The following SPHKAP variants were observed in gnomAD, a reference collection of about 807,000 sequenced individuals.
SPHKAP encodes the protein SPHK1 interactor, AKAP domain containing, also known as A-kinase anchor protein SPHKAP.
A neutral mutation model predicts 137.5 loss-of-function variants in SPHKAP; 67 were observed. That is an observed-to-expected ratio of 0.49 (90% confidence interval 0.40 to 0.60). The LOEUF is 0.60. Ranked by LOEUF, SPHKAP falls within the 20% of genes least tolerant of loss-of-function variation. The pLI is 0.00. For missense variants in SPHKAP, 2,097 were observed against 2,069.3 expected (o/e 1.01, Z -0.26); for synonymous variants, 813 against 785.3 (o/e 1.04, Z -0.59).
At chr2:228,176,867 C>T (rs141394594) in intron 1 of SPHKAP, among the ~76,000 whole-genome samples, 152 of 152,272 alleles carry the variant, frequency 1.0e-3, no homozygotes, top group African/African-American at 3.5e-3. Context: ...AAGAGCGAAA[C>T]TCCGTCTCAA....
intron 3 of SPHKAP, among the ~76,000 whole-genome samples, chr2:228,085,169 T>C (rs191608208): frequency 1.3e-5 from 2 of 152,322 alleles, no homozygotes; most frequent in Admixed American, 1.3e-4. Flanking sequence ...GAATAAGCAT[T>C]TGGAAAGGGT....
At chr2:228,158,781 C>T (rs557973431) in intron 1 of SPHKAP, among the ~76,000 whole-genome samples, 1 of 152,294 alleles carries the variant, frequency 6.6e-6, no homozygotes, top group Admixed American at 6.5e-5. Context: ...CAACTTATTT[C>T]AGTCTGCTCT....
chr2:228,018,448 T>C lies in SPHKAP; in HGVS notation c.2406A>G (p.Pro802=), dbSNP rs1304458810. ...YSKQDKGGVR[P]GLFKNPTLQS... is the part of the protein sequence containing the mutation. ...GCAGCGTGGGGTTCTTGAAGAGGCCTGGCCTCACTCCACCCTTGTCTTGTT... is the reference window on the plus strand; with the variant it reads ...GCAGCGTGGGGTTCTTGAAGAGGCCCGGCCTCACTCCACCCTTGTCTTGTT... Residue 802 remains proline, a synonymous_variant, in exon 7 of 12, where the codon CCA becomes CCG. Coordinates refer to ENST00000392056, the MANE Select transcript of SPHKAP (RefSeq NM_001142644.2). 1.2e-6 allele frequency: 2 copies of C among 1,614,134 alleles called. No homozygotes were observed. Among genetic ancestry groups the C allele is most frequent in the East Asian group, 2.2e-5 (1 of 44,882 alleles).
At chr2:228,095,715 A>G (rs1227606412) in intron 3 of SPHKAP, among the ~76,000 whole-genome samples, 1 of 152,124 alleles carries the variant, frequency 6.6e-6, no homozygotes, top group African/African-American at 2.4e-5. Flanking sequence ...GTCAAGAAAA[A>G]TATTATTTAT....
In SPHKAP at chr2:228,021,722, T is replaced by C; in HGVS notation, c.686A>G (p.Glu229Gly). 9.3e-6 allele frequency: 15 copies of C among 1,612,682 alleles called. No individual in the cohort carries two copies. Among genetic ancestry groups the C allele is most frequent in the Non-Finnish European group, 1.3e-5 (15 of 1,179,458 alleles). Residue 229 changes from glutamate (E) to glycine (G), a missense_variant, in exon 6 of 12, where the codon GAA (glutamate) becomes GGA (glycine). Glu to Gly is a moderately conservative substitution (Grantham distance 98). Coordinates refer to ENST00000392056, the MANE Select transcript of SPHKAP (RefSeq NM_001142644.2). ...TGGAAAGTTCTCACCGTTCCTAGAT[T>C]CATCCACCTCGCTTTCCTCCTCCAA... is the stretch of plus-strand genomic sequence containing the variant. ...EHLEEESEVD[E>G]SRNDYENINV...
intron 1 of SPHKAP, among the ~76,000 whole-genome samples, chr2:228,143,193 A>G (rs985295022): frequency 6.6e-6 from 1 of 152,318 alleles, no homozygotes; most frequent in Admixed American, 6.5e-5. Context: ...AACTGAACAC[A>G]GTTGGGTGCA....
Position 228,021,862 on chromosome 2 carries a change from C to G in SPHKAP, c.546G>C (p.Leu182=). Residue 182 remains leucine, a synonymous_variant, in exon 6 of 12, where the codon CTG becomes CTC. Coordinates refer to ENST00000392056, the MANE Select transcript of SPHKAP (RefSeq NM_001142644.2). The part of the protein sequence containing the change: ...IFEINKFLIG[L]ELVQERQLHL... ...GGAGCTGTCGCTCCTGCACCAGTTCCAGACCAATCAGAAATTTGTTGATTT... is the reference window on the plus strand; with the variant it reads ...GGAGCTGTCGCTCCTGCACCAGTTCGAGACCAATCAGAAATTTGTTGATTT... The G allele has an allele frequency of 6.2e-7, 1 of 1,614,114 alleles. No individual in the cohort carries two copies.
intron 1 of SPHKAP, among the ~76,000 whole-genome samples, chr2:228,141,641 C>CT (rs35653608): frequency 7.4e-5 from 11 of 149,132 alleles, no homozygotes; most frequent in Non-Finnish European, 1.4e-4. Context: ...ATAACAAAGG[C>CT]TTTTTTTAAA....
intron 1 of SPHKAP, among the ~76,000 whole-genome samples, chr2:228,178,571 G>A (rs544102261): frequency 2.0e-5 from 3 of 151,730 alleles, no homozygotes; most frequent in South Asian, 2.1e-4. Flanking sequence ...CTAATTTTGC[G>A]ACTTAGCAAA....
chr2:228,153,434 T>C (rs1699998548), intron 1 of SPHKAP, among the ~76,000 whole-genome samples: 1 of 152,204 alleles, frequency 6.6e-6, no homozygotes, highest in Non-Finnish European at 1.5e-5. Context: ...TTCTCAGTTT[T>C]TGTCTGTATA....
chr2:227,983,565 C>T (rs1693088729), intron 11 of SPHKAP, among the ~76,000 whole-genome samples: 1 of 152,084 alleles, frequency 6.6e-6, no homozygotes, highest in Admixed American at 6.5e-5. Context: ...TGCATATTTG[C>T]TGAATGACAG....
Position 228,012,185 on chromosome 2 carries a change from A to AAAAG in SPHKAP, c.4448+4217_4448+4220dup, listed in dbSNP as rs1440093998. 2.5e-3 allele frequency among the ~76,000 whole-genome samples: 194 copies of AAAAG among 77,114 alleles called. 3 individuals are homozygous for AAAAG. Among genetic ancestry groups the AAAAG allele is most frequent in the Middle Eastern group, 0.024 (4 of 166 alleles). The allele number at this position is 77,114 out of a possible 152,430, so 50.6% of individuals were successfully genotyped here. A position where few individuals can be genotyped will look rare whatever the true frequency, so the allele number is the denominator to read the frequency against. The stretch of plus-strand genomic sequence containing the variant: ...CCTCAAAAAAAAAAAAAAAAAAAAA[A>AAAAG]AAAGAAAGAAAGAAAGAAATATACA... On this transcript the variant is annotated intron_variant, in intron 7 of 11. Transcript: ENST00000392056.
intron 2 of SPHKAP, among the ~76,000 whole-genome samples, chr2:228,118,491 G>A (rs965354071): frequency 2.0e-5 from 3 of 152,014 alleles, no homozygotes; most frequent in Non-Finnish European, 4.4e-5. Flanking sequence ...AGCGAGGTAT[G>A]AGAGTCCAAC....
chr2:227,995,566 T>A lies in SPHKAP; in HGVS notation c.4577A>T (p.Glu1526Val), dbSNP rs200610993. Residue 1526 changes from glutamate to valine, a missense_variant, in exon 8 of 12, where the codon GAG (glutamate) becomes GTG (valine). Glu to Val is a moderately radical substitution (Grantham distance 121). Transcript: ENST00000392056. ...ACTTGTGTCATCTGGGTTGTCTTCC[T>A]CATTGGCAAGCTGGGTCCAGCTGCC... ...STGSWTQLAN[E>V]EDNPDDTSSF... 36 of 1,614,018 alleles carry A rather than the reference T, an allele frequency of 2.2e-5. No homozygotes were observed. Among genetic ancestry groups the A allele is most frequent in the Non-Finnish European group, 3.1e-5 (36 of 1,180,018 alleles).
intron 3 of SPHKAP, among the ~76,000 whole-genome samples, chr2:228,103,754 C>T (rs972276416): frequency 2.0e-4 from 31 of 152,264 alleles, no homozygotes; most frequent in African/African-American, 7.0e-4. Flanking sequence ...TTTAGCTCCT[C>T]CTTAAAAACT....
At chr2:228,105,741 C>T (rs866819439) in intron 3 of SPHKAP, among the ~76,000 whole-genome samples, 63 of 152,150 alleles carry the variant, frequency 4.1e-4, no homozygotes, top group African/African-American at 1.5e-3. Flanking sequence ...AAGGGATTTC[C>T]CCTTTTGCTT....
rs573058316 is a variant in SPHKAP, at chr2:228,036,128, A to T, written c.247-8585T>A. Among the ~76,000 whole-genome samples the T allele has an allele frequency of 6.7e-4, 100 of 149,832 alleles. 1 individual carries two copies. Among genetic ancestry groups the T allele is most frequent in the Middle Eastern group, 6.8e-3 (2 of 294 alleles). On this transcript the variant is annotated intron_variant, in intron 3 of 11. Coordinates refer to ENST00000392056, the MANE Select transcript of SPHKAP (RefSeq NM_001142644.2). The stretch of plus-strand genomic sequence containing the variant: ...GAATGGGAGAAAATTTTTGCAATCT[A>T]CTCATCTGACAAAGGGCTAATATCC...
In SPHKAP at chr2:227,981,817, A is replaced by G; in HGVS notation, c.5003T>C (p.Val1668Ala). 6.2e-7 allele frequency: 1 copy of G among 1,613,632 alleles called. No individual in the cohort carries two copies. The highest frequency in any genetic ancestry group is 2.2e-5 in the East Asian group (1 of 44,808). Residue 1668 changes from valine (V) to alanine (A), a missense_variant, in exon 12 of 12, where the codon GTG becomes GCG. Transcript: ENST00000392056. The part of the protein sequence containing the change: ...VQLVHRKSWK[V>A]GDIFHAVVQY... ...GACAACTGCATGGAAGATATCACCC[A>G]CTTTCCAGGACTTCCGATGAACCAG...
chr2:228,107,072 A>AT lies in SPHKAP; in HGVS notation c.246+1759dup, dbSNP rs551709438. Among the ~76,000 whole-genome samples, 47 of 72,474 alleles carry AT rather than the reference A, an allele frequency of 6.5e-4. No homozygotes were observed. In the South Asian group the frequency reaches 7.5e-3, roughly 12 times the overall value. 47.5% of individuals were successfully genotyped at this position (72,474 alleles called of 152,430 possible). On this transcript the variant is annotated intron_variant, in intron 3 of 11. Transcript: ENST00000392056. ...ATATGCATTAACTCACGTAGTTATCATTTTTTTTTTGGCTGAGAACACTTA... is the reference window on the plus strand; with the variant it reads ...ATATGCATTAACTCACGTAGTTATCATTTTTTTTTTTGGCTGAGAACACTTA...
Sources: gnomAD v4.1 joint callset for allele counts (sites outside exome capture counted in the v4.1 genomes callset) on GRCh38, gnomAD v4.1.1 for gene constraint, MANE v1.5 for transcripts, NCBI Gene and HGNC (gene_info 2026-07-23, HGNC 2026-07-21) for gene names.